LYRM4: variants seen among roughly 807,000 people sequenced by gnomAD.
LYRM4 encodes LYR motif containing 4.
Under a neutral mutation model 11.7 loss-of-function variants are expected in LYRM4, and 9 were observed. The observed-to-expected ratio is 0.77, with a 90% CI of 0.46 to 1.34. LYRM4 has a LOEUF of 1.34. Ranked by LOEUF, LYRM4 falls within the 40% of genes most tolerant of loss-of-function variation. The pLI, the probability that LYRM4 is intolerant of heterozygous loss-of-function variation, is 0.00. For synonymous variants in LYRM4, 42 were observed against 40.4 expected (o/e 1.04, Z -0.15); for missense variants, 133 against 112.5 (o/e 1.18, Z -0.82).
the LYRM4 span, among the ~76,000 whole-genome samples, chr6:5,068,561 G>A: frequency 6.6e-6 from 1 of 152,130 alleles, no homozygotes; most frequent in Admixed American, 6.5e-5. This position sits in a 1 kb window ranked among gnomAD's most constrained non-coding sequence, Gnocchi z 4.0. Context: ...TTGAGGCTTG[G>A]CTCTTCCACG....
At chr6:5,119,446 T>C (rs1763302957) in intron 2 of LYRM4, among the ~76,000 whole-genome samples, 2 of 152,068 alleles carry the variant, frequency 1.3e-5, no homozygotes, top group African/African-American at 2.4e-5. Flanking sequence ...TTATCCACTT[T>C]TGTCAGCATG....
chr6:5,179,433 C>T (rs1448571771), intron 2 of LYRM4, among the ~76,000 whole-genome samples: 1 of 152,188 alleles, frequency 6.6e-6, no homozygotes, highest in African/African-American at 2.4e-5. Context: ...TCCCCCAACC[C>T]CTCATCACCC....
downstream of LYRM4, chr6:5,103,258 T>G (rs1244197772): frequency 6.6e-6 from 1 of 152,268 alleles, no homozygotes; most frequent in Admixed American, 6.5e-5. Flanking sequence ...GGGAGGCATC[T>G]GTCAACTCGG....
At chr6:5,136,770 C>T (rs1488473999) in intron 2 of LYRM4, 1 of 985,314 alleles carries the variant, frequency 1.0e-6, no homozygotes, top group Non-Finnish European at 1.2e-6. Context: ...GACTTCCTTC[C>T]TTTCCTGTGG....
chr6:5,159,083 T>C (rs1391689366), intron 2 of LYRM4, among the ~76,000 whole-genome samples: 1 of 152,192 alleles, frequency 6.6e-6, no homozygotes, highest in Non-Finnish European at 1.5e-5. Context: ...GGGAAAGGCA[T>C]GACCAGATCT....
chr6:5,139,604 T>C (rs994137783), intron 2 of LYRM4, among the ~76,000 whole-genome samples: 3 of 152,220 alleles, frequency 2.0e-5, no homozygotes, highest in African/African-American at 7.2e-5. Flanking sequence ...CAGTGAACTG[T>C]AACCTAACTG....
chr6:5,218,238 T>C (rs531200666), intron 1 of LYRM4: 1 of 984,948 alleles, frequency 1.0e-6, no homozygotes, highest in Admixed American at 6.1e-5. Flanking sequence ...CAGACTGCTC[T>C]GCTTTTAACT....
At chr6:5,161,599 A>G (rs1054750456) in intron 2 of LYRM4, among the ~76,000 whole-genome samples, 3 of 152,260 alleles carry the variant, frequency 2.0e-5, no homozygotes, top group Non-Finnish European at 4.4e-5. Context: ...AAAGGGCTGT[A>G]TGAAATATGT....
At chr6:5,093,184 C>T in the LYRM4 span, among the ~76,000 whole-genome samples, 1 of 152,190 alleles carries the variant, frequency 6.6e-6, no homozygotes, top group African/African-American at 2.4e-5. Context: ...TTGGATTGTG[C>T]TGTTTACCAA....
At position 5,140,670 on chromosome 6, in the gene LYRM4, A is replaced by G. The variant is rs187990395; in HGVS notation, c.208-31179T>C. The stretch of plus-strand genomic sequence containing the variant: ...TTCAACTTGATCTGCACTTGGGAAC[A>G]TGTAAGGCTTATCATTTCCTAGATT... On this transcript the variant is annotated intron_variant, in intron 2 of 2. Coordinates refer to ENST00000330636, the MANE Select transcript of LYRM4 (RefSeq NM_020408.6). Among the ~76,000 whole-genome samples the G allele has an allele frequency of 2.2e-4, 34 of 152,384 alleles. No individual in the cohort carries two copies. In the East Asian group the frequency reaches 6.2e-3, roughly 28 times the overall value.
the LYRM4 span, among the ~76,000 whole-genome samples, chr6:5,049,627 G>C: frequency 6.6e-6 from 1 of 151,744 alleles, no homozygotes; most frequent in Non-Finnish European, 1.5e-5. Flanking sequence ...CCTTGAGTGA[G>C]AAACTAAATT....
At chr6:5,039,796 A>G in the LYRM4 span, among the ~76,000 whole-genome samples, 22 of 152,216 alleles carry the variant, frequency 1.4e-4, no homozygotes, top group African/African-American at 5.1e-4. Context: ...AAGAAAAGCC[A>G]AGACATTCTT....
the LYRM4 span, chr6:5,086,762 A>G: frequency 6.5e-5 from 38 of 588,516 alleles, no homozygotes; most frequent in East Asian, 8.6e-4. Flanking sequence ...AGCCCGGGCA[A>G]TGCTCCGAAA....
Position 5,109,414 on chromosome 6 carries a change from C to T in LYRM4, c.*9G>A. The T allele has an allele frequency of 6.2e-7, 1 of 1,613,908 alleles. No individual in the cohort carries two copies. Among genetic ancestry groups the T allele is most frequent in the South Asian group, 1.1e-5 (1 of 91,068 alleles). On this transcript the variant is annotated 3_prime_UTR_variant, in exon 3 of 3. Transcript: ENST00000330636. ...CCCTGGCCGCCACTGGTGGCTGGTC[C>T]CCGGCTTGCTAGGTCCTGGGCATGT...
the LYRM4 span, among the ~76,000 whole-genome samples, chr6:5,097,494 A>C: frequency 6.6e-6 from 1 of 152,204 alleles, no homozygotes; most frequent in South Asian, 2.1e-4. Context: ...GACTACAGGC[A>C]TGAGCCACCG....
chr6:5,207,706 T>G (rs796518160), intron 2 of LYRM4, among the ~76,000 whole-genome samples: 8 of 152,324 alleles, frequency 5.3e-5, no homozygotes, highest in African/African-American at 1.9e-4. Flanking sequence ...ATAAGGTGGT[T>G]GAACTTTCAC....
intron 2 of LYRM4, among the ~76,000 whole-genome samples, chr6:5,151,925 T>G (rs1032471686): frequency 2.0e-5 from 3 of 152,216 alleles, no homozygotes; most frequent in African/African-American, 7.2e-5. Flanking sequence ...GGGAGAATCC[T>G]GTGTGCCCCC....
intron 2 of LYRM4, among the ~76,000 whole-genome samples, chr6:5,194,492 C>T (rs1581478538): frequency 1.3e-5 from 2 of 152,094 alleles, no homozygotes; most frequent in Non-Finnish European, 2.9e-5. Flanking sequence ...CTGGGCATAC[C>T]TTCTGAAATG....
intron 2 of LYRM4, among the ~76,000 whole-genome samples, chr6:5,118,613 A>T (rs1417091139): frequency 6.6e-6 from 1 of 152,148 alleles, no homozygotes; most frequent in African/African-American, 2.4e-5. Flanking sequence ...CAGCATGGAG[A>T]GGCACTGCCA....
Sources: gnomAD v4.1 joint callset for allele counts (sites outside exome capture counted in the v4.1 genomes callset) on GRCh38, gnomAD v4.1.1 for gene constraint, Gnocchi (gnomAD v3.1) non-coding constraint, MANE v1.5 for transcripts, NCBI Gene and HGNC (gene_info 2026-07-23, HGNC 2026-07-21) for gene names.